Variants in GPR158 observed in about 807,000 individuals in gnomAD.
GPR158 encodes metabotropic glycine receptor.
In GPR158, 30 loss-of-function variants were observed where a neutral mutation model predicts 78.2. The ratio of observed to expected loss-of-function variants is 0.38; its 90% CI spans 0.29 to 0.52. The LOEUF (loss-of-function observed/expected upper bound fraction) is 0.52, where lower values mean the gene tolerates loss of function less well. Among genes scored for constraint, GPR158 ranks in the 20% least tolerant of loss-of-function variants. The pLI is 0.83. For synonymous variants in GPR158, 581 were observed against 591.1 expected, an observed-to-expected ratio of 0.98 and a Z score of 0.25; for missense variants, 1,463 against 1,523.5, an observed-to-expected ratio of 0.96 and a Z score of 0.66.
chr10:25,319,293 A>G (rs1039918147), intron 2 of GPR158, among the ~76,000 whole-genome samples: 2 of 152,108 alleles, frequency 1.3e-5, no homozygotes, highest in African/African-American at 2.4e-5. Context: ...CTGTCATCAC[A>G]CTTGTCACAG....
At chr10:25,372,579 A>G (rs1834013097) in intron 2 of GPR158, among the ~76,000 whole-genome samples, 1 of 147,614 alleles carries the variant, frequency 6.8e-6, no homozygotes, top group South Asian at 2.2e-4. Flanking sequence ...GAAATTGGAA[A>G]TCACCATTCT....
intron 7 of GPR158, among the ~76,000 whole-genome samples, chr10:25,576,758 A>G (rs917855732): frequency 2.0e-5 from 3 of 152,130 alleles, no homozygotes; most frequent in African/African-American, 7.2e-5. Flanking sequence ...AAACTTAAGA[A>G]GCAGAAATTA....
chr10:25,261,671 C>T (rs753980238), intron 2 of GPR158, among the ~76,000 whole-genome samples: 17 of 152,098 alleles, frequency 1.1e-4, no homozygotes, highest in South Asian at 2.1e-4. Flanking sequence ...ATTAACACGG[C>T]GGAGTCAGTT....
intron 5 of GPR158, among the ~76,000 whole-genome samples, chr10:25,513,506 G>GTTT (rs1836114669): frequency 1.4e-5 from 2 of 146,262 alleles, no homozygotes; most frequent in African/African-American, 5.1e-5. Flanking sequence ...TTTTTTTTTG[G>GTTT]TTCAATTTTA....
chr10:25,355,992 T>C (rs535065593), intron 2 of GPR158, among the ~76,000 whole-genome samples: 137 of 152,194 alleles, frequency 9.0e-4, no homozygotes, highest in African/African-American at 3.1e-3. Flanking sequence ...CTGTCTTCAG[T>C]GATGTCTCTT....
chr10:25,188,603 C>T (rs981336853), intron 1 of GPR158, among the ~76,000 whole-genome samples: 21 of 152,248 alleles, frequency 1.4e-4, no homozygotes, highest in Admixed American at 2.6e-4. Flanking sequence ...AAACTGGATC[C>T]CTTCCTTACA....
At position 25,530,097 on chromosome 10, in the gene GPR158, A is replaced by C. The variant is rs1359965936; in HGVS notation, c.1405-20879A>C. Among the ~76,000 whole-genome samples, 3 of 151,920 alleles carry C rather than the reference A, an allele frequency of 2.0e-5. No individual in the cohort carries two copies. The South Asian group carries it at 6.2e-4, about 32-fold the overall frequency. ...TAGGTTGTAGGTGGGGAGGCGGGAG[A>C]TGGGTGGCAGCTGAAGATCTTTGTC... On this transcript the variant is annotated intron_variant, in intron 5 of 10. Coordinates refer to ENST00000376351, the MANE Select transcript of GPR158 (RefSeq NM_020752.3).
At chr10:25,431,691 G>A (rs1193622152) in intron 4 of GPR158, among the ~76,000 whole-genome samples, 3 of 151,208 alleles carry the variant, frequency 2.0e-5, no homozygotes, top group African/African-American at 7.3e-5. Flanking sequence ...AAAAAATGAT[G>A]AGTTCATGTC....
At chr10:25,324,646 A>G (rs1466121398) in intron 2 of GPR158, among the ~76,000 whole-genome samples, 1 of 152,096 alleles carries the variant, frequency 6.6e-6, no homozygotes. Flanking sequence ...GTGCCCATAG[A>G]CTCGCTCAAT....
Position 25,602,017 on chromosome 10 carries a change from A to G in GPR158, c.*2743A>G, listed in dbSNP as rs1837506652. Reference sequence around the variant, plus strand: ...TGCAAGTTATGACAGGTAGGACTGAAAAAACACTGCCTTTTGACTTCTAGC... The same window carrying G: ...TGCAAGTTATGACAGGTAGGACTGAGAAAACACTGCCTTTTGACTTCTAGC... On this transcript the variant is annotated 3_prime_UTR_variant, in exon 11 of 11. Transcript: ENST00000376351. 1 of 152,576 alleles carries G rather than the reference A, an allele frequency of 6.6e-6. No homozygotes were observed. Among genetic ancestry groups the G allele is most frequent in the Non-Finnish European group, 1.5e-5 (1 of 68,028 alleles). The allele number at this position is 152,576 out of a possible 1,614,324, so 9.5% of individuals were successfully genotyped here. A position where few individuals can be genotyped will look rare whatever the true frequency, so the allele number is the denominator to read the frequency against.
chr10:25,494,115 A>T (rs1835846790), intron 5 of GPR158, among the ~76,000 whole-genome samples: 1 of 152,208 alleles, frequency 6.6e-6, no homozygotes, highest in Non-Finnish European at 1.5e-5. Flanking sequence ...ATTTCTCAAT[A>T]GTCCTGGTAC....
At chr10:25,556,927 T>C (rs1219226873) in intron 6 of GPR158, among the ~76,000 whole-genome samples, 1 of 152,262 alleles carries the variant, frequency 6.6e-6, no homozygotes, top group Non-Finnish European at 1.5e-5. Context: ...GTGGCTTGAC[T>C]TGACTTTCTC....
intron 3 of GPR158, among the ~76,000 whole-genome samples, chr10:25,407,400 T>A (rs757245333): frequency 3.9e-5 from 6 of 152,198 alleles, no homozygotes; most frequent in Non-Finnish European, 8.8e-5. Context: ...ATTCTTTAGG[T>A]AATATTATCT....
intron 2 of GPR158, among the ~76,000 whole-genome samples, chr10:25,293,275 T>C (rs1387276993): frequency 6.6e-6 from 1 of 152,204 alleles, no homozygotes; most frequent in Non-Finnish European, 1.5e-5. Context: ...TGTAACATGG[T>C]TACTTACTAT....
intron 2 of GPR158, among the ~76,000 whole-genome samples, chr10:25,276,584 A>T (rs962818799): frequency 1.3e-5 from 2 of 152,188 alleles, no homozygotes; most frequent in Non-Finnish European, 2.9e-5. Flanking sequence ...AGTGCAGTAC[A>T]TTACATTAGT....
In GPR158 at chr10:25,300,349, G is replaced by A. The variant is rs767220784; in HGVS notation, c.1008+79192G>A. On this transcript the variant is annotated intron_variant, in intron 2 of 10. Transcript: ENST00000376351. ...GAGCATTCTTCCATAGTCATCTCCAGTTGACTCTCTTCTGCCTTCCTCTTT... is the reference window on the plus strand; with the variant it reads ...GAGCATTCTTCCATAGTCATCTCCAATTGACTCTCTTCTGCCTTCCTCTTT... Among the ~76,000 whole-genome samples the A allele has an allele frequency of 8.5e-5, 13 of 152,244 alleles. No homozygotes were observed. The East Asian group carries it at 2.5e-3, about 29-fold the overall frequency.
rs757154703 is a variant in GPR158, at chr10:25,598,641, G to C, written c.3015G>C (p.Glu1005Asp). Reference protein sequence around the residue: ...TQMKDNFDIGEVCPWEVYDLT... With the variant: ...TQMKDNFDIGDVCPWEVYDLT... ...TGAAGGACAACTTTGACATTGGGGA[G>C]GTGTGTCCTTGGGAGGTTTATGACC... Residue 1005 changes from glutamate to aspartate, a missense_variant, in exon 11 of 11, where the codon GAG becomes GAC. Physicochemically the swap from Glu to Asp is conservative, Grantham distance 45. Coordinates refer to ENST00000376351, the MANE Select transcript of GPR158 (RefSeq NM_020752.3). 1.2e-6 allele frequency: 2 copies of C among 1,614,076 alleles called. No individual in the cohort carries two copies. The highest frequency in any genetic ancestry group is 1.7e-6 in the Non-Finnish European group (2 of 1,180,016).
At chr10:25,498,783 G>A (rs1015146025) in intron 5 of GPR158, among the ~76,000 whole-genome samples, 2 of 152,144 alleles carry the variant, frequency 1.3e-5, no homozygotes, top group South Asian at 2.1e-4. Context: ...GGTGAATAGG[G>A]TTGCTCGCAT....
chr10:25,572,948 T>A, intron 7 of GPR158, 61 bp downstream of exon 7: 1 of 987,472 alleles, frequency 1.0e-6, no homozygotes, highest in Non-Finnish European at 1.6e-6. Context: ...TACAACTGAC[T>A]TCTTTAAAAG....
Sources: gnomAD v4.1 joint callset for allele counts (sites outside exome capture counted in the v4.1 genomes callset) on GRCh38, gnomAD v4.1.1 for gene constraint, MANE v1.5 for transcripts, NCBI Gene and HGNC (gene_info 2026-07-23, HGNC 2026-07-21) for gene names.